Variants in TMEM144 observed in about 807,000 individuals in gnomAD.
The protein encoded by TMEM144 is transmembrane protein 144.
TMEM144 carries 39 observed loss-of-function variants against 43.6 expected under a neutral mutation model. That is an observed-to-expected ratio of 0.90 (90% CI 0.69 to 1.17). The LOEUF (loss-of-function observed/expected upper bound fraction) is 1.17, where lower values mean the gene tolerates loss of function less well. Ranked by LOEUF, TMEM144 falls within the 50% of genes most tolerant of loss-of-function variation. The probability of loss-of-function intolerance (pLI) is 0.00; values close to 1 mark genes in which losing one functional copy is unlikely to be tolerated. For synonymous variants in TMEM144, 154 were observed against 133.6 expected, an observed-to-expected ratio of 1.15 and a Z score of -1.06; for missense variants, 417 against 411.9, an observed-to-expected ratio of 1.01 and a Z score of -0.11.
At chr4:158,228,324 G>A (rs1734879517) in intron 6 of TMEM144, among the ~76,000 whole-genome samples, 1 of 151,720 alleles carries the variant, frequency 6.6e-6, no homozygotes, top group African/African-American at 2.4e-5. Context: ...CCACTCAAAT[G>A]GAGTGGGCAA....
intron 10 of TMEM144, 96 bp downstream of exon 10, chr4:158,240,514 C>CTG: frequency 1.5e-6 from 2 of 1,342,710 alleles, no homozygotes; most frequent in Non-Finnish European, 2.0e-6. Flanking sequence ...AAGCCATCCT[C>CTG]TGTGTGTATA....
intron 2 of TMEM144, chr4:158,212,060 G>A (rs1733985153): frequency 6.6e-6 from 1 of 152,216 alleles, no homozygotes; most frequent in Non-Finnish European, 1.5e-5. Flanking sequence ...TTCTATTCCA[G>A]AGGGCTTATT....
chr4:158,236,333 G>A (rs550339399), intron 8 of TMEM144, among the ~76,000 whole-genome samples: 19 of 152,010 alleles, frequency 1.2e-4, no homozygotes, highest in Admixed American at 6.5e-4. Context: ...CTGGTTTTGC[G>A]TCAGAATAAA....
chr4:158,233,776 T>C (rs1045864082), intron 7 of TMEM144: 1 of 152,274 alleles, frequency 6.6e-6, no homozygotes, highest in Non-Finnish European at 1.5e-5. Context: ...CTTCTTCCCC[T>C]ATCCAAACTT....
chr4:158,216,564 A>G (rs1467367992), intron 4 of TMEM144, among the ~76,000 whole-genome samples: 1 of 152,190 alleles, frequency 6.6e-6, no homozygotes, highest in East Asian at 1.9e-4. Flanking sequence ...AAGTAGGTCC[A>G]GGTTAGAACT....
chr4:158,238,748 A>G (rs1052312035), intron 9 of TMEM144, among the ~76,000 whole-genome samples: 5 of 152,166 alleles, frequency 3.3e-5, no homozygotes, highest in Non-Finnish European at 7.4e-5. Context: ...TCATGATTCA[A>G]TGAGCACAAG....
At chr4:158,244,955 A>G (rs980835933) in intron 12 of TMEM144, among the ~76,000 whole-genome samples, 1 of 152,178 alleles carries the variant, frequency 6.6e-6, no homozygotes, top group Non-Finnish European at 1.5e-5. Flanking sequence ...CCAGTGAAAT[A>G]TGAGAGAGGG....
intron 11 of TMEM144, among the ~76,000 whole-genome samples, chr4:158,243,887 T>C (rs1735746480): frequency 6.6e-6 from 1 of 152,198 alleles, no homozygotes; most frequent in Non-Finnish European, 1.5e-5. Context: ...TATGCCAAAA[T>C]TTCTTCAGTT....
chr4:158,251,227 C>A (rs1251024853), intron 12 of TMEM144, among the ~76,000 whole-genome samples: 5 of 152,182 alleles, frequency 3.3e-5, no homozygotes. Context: ...TTCAAACCTT[C>A]CCTTAGAATA....
At position 158,216,220 on chromosome 4, in the gene TMEM144, G is replaced by A. The variant is rs1009479870; in HGVS notation, c.232+907G>A. ...TCTTTATAGCCACCAGAGCATTTCTGTTCACCCAGCAGGTTCCACTGGGTG... is the reference window on the plus strand; with the variant it reads ...TCTTTATAGCCACCAGAGCATTTCTATTCACCCAGCAGGTTCCACTGGGTG... On this transcript the variant is annotated intron_variant, in intron 4 of 12. Coordinates refer to ENST00000296529, the MANE Select transcript of TMEM144 (RefSeq NM_018342.5). 2.0e-5 allele frequency among the ~76,000 whole-genome samples: 3 copies of A among 152,144 alleles called. No homozygotes were observed. In the East Asian group the frequency reaches 5.8e-4, roughly 29 times the overall value.
chr4:158,251,706 G>A (rs1048364766), intron 12 of TMEM144, among the ~76,000 whole-genome samples: 28 of 152,164 alleles, frequency 1.8e-4, no homozygotes, highest in African/African-American at 6.8e-4. Flanking sequence ...CATATTTGGT[G>A]TAAAAATGAG....
chr4:158,215,428 A>G lies in TMEM144; in HGVS notation c.232+115A>G, dbSNP rs116079371. 787 of 1,266,768 alleles carry G rather than the reference A, an allele frequency of 6.2e-4. 2 individuals are homozygous for G. The African/African-American group carries it at 0.011, about 18-fold the overall frequency. 78.5% of individuals were successfully genotyped at this position (1,266,768 alleles called of 1,614,324 possible). On this transcript the variant is annotated intron_variant, in intron 4 of 12. Coordinates refer to ENST00000296529, the MANE Select transcript of TMEM144 (RefSeq NM_018342.5). Reference sequence around the variant, plus strand: ...GATTCTGAATAACCCTTAGTCATAGATACTAGAAATTAACTAGTTTCTTGC... The same window carrying G: ...GATTCTGAATAACCCTTAGTCATAGGTACTAGAAATTAACTAGTTTCTTGC...
chr4:158,249,135 G>C lies in TMEM144; in HGVS notation c.955-4309G>C, dbSNP rs180935060. 3.5e-3 allele frequency among the ~76,000 whole-genome samples: 527 copies of C among 152,268 alleles called. 10 individuals are homozygous for C. Among genetic ancestry groups the C allele is most frequent in the East Asian group, 2.5e-3 (13 of 5,182 alleles). Reference sequence around the variant, plus strand: ...TTGGCCAGGCTTGTCTCGAACTCCTGATCTTGTGATCTGCCCGCCTCGGCC... The same window carrying C: ...TTGGCCAGGCTTGTCTCGAACTCCTCATCTTGTGATCTGCCCGCCTCGGCC... On this transcript the variant is annotated intron_variant, in intron 12 of 12. Coordinates refer to ENST00000296529, the MANE Select transcript of TMEM144 (RefSeq NM_018342.5).
intron 12 of TMEM144, among the ~76,000 whole-genome samples, chr4:158,251,794 A>T (rs1458376327): frequency 6.6e-6 from 1 of 152,202 alleles, no homozygotes; most frequent in African/African-American, 2.4e-5. Context: ...TAAAGAAATG[A>T]TGAAAATAGG....
chr4:158,247,731 T>C (rs2111152847), intron 12 of TMEM144, among the ~76,000 whole-genome samples: 1 of 152,194 alleles, frequency 6.6e-6, no homozygotes, highest in Middle Eastern at 3.4e-3. Flanking sequence ...TACAAACATG[T>C]ACTAGAGGAC....
intron 11 of TMEM144, 43 bp from the exon 12 acceptor site, chr4:158,244,253 A>G: frequency 7.2e-7 from 1 of 1,395,470 alleles, no homozygotes; most frequent in Non-Finnish European, 9.9e-7. Context: ...ATCTAGTCAT[A>G]GGTAAATATC....
chr4:158,239,971 C>A (rs1438776740), intron 9 of TMEM144, among the ~76,000 whole-genome samples: 1 of 151,470 alleles, frequency 6.6e-6, no homozygotes, highest in Non-Finnish European at 1.5e-5. Flanking sequence ...CTTCAAGCTC[C>A]GCCTCCCAGG....
chr4:158,242,026 C>T (rs1235900990), intron 11 of TMEM144, among the ~76,000 whole-genome samples: 1 of 152,162 alleles, frequency 6.6e-6, no homozygotes, highest in Non-Finnish European at 1.5e-5. Flanking sequence ...GGTTTTTCTA[C>T]CATTGTTTCT....
At chr4:158,241,058 A>G (rs1461987518) in intron 10 of TMEM144, among the ~76,000 whole-genome samples, 2 of 152,178 alleles carry the variant, frequency 1.3e-5, no homozygotes, top group African/African-American at 4.8e-5. Context: ...AGAAAATGCT[A>G]GAATACTGAA....
Sources: allele counts gnomAD v4.1 joint callset (sites outside exome capture counted in the v4.1 genomes callset), GRCh38; gene constraint gnomAD v4.1.1; transcripts MANE v1.5; gene names NCBI Gene and HGNC (gene_info 2026-07-23, HGNC 2026-07-21).